Variants in ASIC2 observed in about 807,000 individuals in gnomAD.
ASIC2 encodes acid sensing ion channel subunit 2, also known as acid-sensing ion channel 2.
In ASIC2, 25 loss-of-function variants were observed where a neutral mutation model predicts 57.3. The observed-to-expected ratio is 0.44, with a 90% CI of 0.32 to 0.61. The LOEUF (loss-of-function observed/expected upper bound fraction) is 0.61. ASIC2 is among the 20% of genes least tolerant of loss of function. The probability of loss-of-function intolerance (pLI) is 0.06; values close to 1 mark genes in which losing one functional copy is unlikely to be tolerated. For missense variants in ASIC2, 641 were observed against 738.1 expected, an observed-to-expected ratio of 0.87 and a Z score of 1.52; for synonymous variants, 319 against 307.5, an observed-to-expected ratio of 1.04 and a Z score of -0.39.
chr17:33,884,733 A>G (rs991183142), intron 1 of ASIC2, among the ~76,000 whole-genome samples: 8 of 150,996 alleles, frequency 5.3e-5, no homozygotes, highest in African/African-American at 1.2e-4. Flanking sequence ...CACACCCCCT[A>G]AGCTAGATTC....
intron 3 of ASIC2, among the ~76,000 whole-genome samples, chr17:33,034,044 G>T (rs556269417): frequency 2.0e-5 from 3 of 152,222 alleles, no homozygotes; most frequent in East Asian, 1.9e-4. Context: ...GAGATGGCCT[G>T]CCAGCAGAGA....
At chr17:33,309,284 C>A (rs1055995975) in intron 1 of ASIC2, among the ~76,000 whole-genome samples, 1 of 152,020 alleles carries the variant, frequency 6.6e-6, no homozygotes, top group African/African-American at 2.4e-5. Context: ...TTCATATACC[C>A]CATTAAAATG....
chr17:33,014,592 T>C (rs555611123), intron 9 of ASIC2, among the ~76,000 whole-genome samples: 2 of 152,150 alleles, frequency 1.3e-5, no homozygotes, highest in East Asian at 3.9e-4. Context: ...TGTGGGTCCC[T>C]AAGCGGGGAG....
chr17:33,405,512 C>T (rs1325430326), intron 1 of ASIC2, among the ~76,000 whole-genome samples: 1 of 129,648 alleles, frequency 7.7e-6, no homozygotes, highest in African/African-American at 3.0e-5. Flanking sequence ...GAGATGGAGT[C>T]TTGCTCTGTT....
At chr17:33,747,994 AG>A (rs1448722483) in intron 1 of ASIC2, among the ~76,000 whole-genome samples, 1 of 152,244 alleles carries the variant, frequency 6.6e-6, no homozygotes, top group Non-Finnish European at 1.5e-5. Flanking sequence ...AACAACCTCA[AG>A]TGGAAGGTAC....
chr17:33,142,695 C>A (rs1026232136), intron 1 of ASIC2, among the ~76,000 whole-genome samples: 1 of 152,180 alleles, frequency 6.6e-6, no homozygotes, highest in Non-Finnish European at 1.5e-5. Flanking sequence ...AGTTCCATGA[C>A]CACACCCTCT....
chr17:34,075,442 T>A (rs1242065063), intron 1 of ASIC2, among the ~76,000 whole-genome samples: 2 of 152,208 alleles, frequency 1.3e-5, no homozygotes, highest in African/African-American at 4.8e-5. Flanking sequence ...TTCAAACACT[T>A]TTTAAGTTGC....
intron 1 of ASIC2, among the ~76,000 whole-genome samples, chr17:34,138,592 C>T (rs1912187203): frequency 6.6e-6 from 1 of 152,196 alleles, no homozygotes; most frequent in Non-Finnish European, 1.5e-5. Flanking sequence ...CTGTCACTGC[C>T]CTTCTCCACC....
chr17:34,037,671 C>T (rs1489247203), intron 1 of ASIC2: 17 of 1,613,748 alleles, frequency 1.1e-5, no homozygotes, highest in Non-Finnish European at 1.1e-5. Context: ...GCAATAGCAG[C>T]TCCAGCAGGG....
intron 1 of ASIC2, among the ~76,000 whole-genome samples, chr17:33,985,631 C>T (rs1371261960): frequency 1.3e-5 from 2 of 152,138 alleles, no homozygotes; most frequent in Non-Finnish European, 2.9e-5. Context: ...GTGTAATATG[C>T]TTAAGGCTGT....
intron 1 of ASIC2, among the ~76,000 whole-genome samples, chr17:34,075,985 C>T (rs1393580754): frequency 6.6e-6 from 1 of 151,600 alleles, no homozygotes; most frequent in Non-Finnish European, 1.5e-5. Context: ...TGTGCAACCA[C>T]ACCTGGCTAT....
chr17:33,508,154 T>C (rs1250753943), intron 1 of ASIC2, among the ~76,000 whole-genome samples: 2 of 151,982 alleles, frequency 1.3e-5, no homozygotes, highest in Non-Finnish European at 2.9e-5. Context: ...TTCTTTTACT[T>C]CCGTCCTCTT....
intron 1 of ASIC2, among the ~76,000 whole-genome samples, chr17:33,579,301 A>C (rs1916786662): frequency 7.1e-6 from 1 of 141,178 alleles, no homozygotes; most frequent in Admixed American, 7.0e-5. Flanking sequence ...AAAAAAAAAA[A>C]AAATGCAGGT....
rs901044781 is a variant in ASIC2 at position 33,591,262 on chromosome 17, C to T, written c.556-479195G>A. Among the ~76,000 whole-genome samples, 4 of 152,264 alleles carry T rather than the reference C, an allele frequency of 2.6e-5. No homozygotes were observed. The South Asian group carries it at 6.2e-4, about 24-fold the overall frequency. On this transcript the variant is annotated intron_variant, in intron 1 of 9. Coordinates refer to the ASIC2 transcript ENST00000359872. Reference sequence around the variant, plus strand: ...GTCTGACATGGTATATGATAAGATTCGGAATTGTGTGACACATAAAATTGC... The same window carrying T: ...GTCTGACATGGTATATGATAAGATTTGGAATTGTGTGACACATAAAATTGC...
chr17:33,276,292 T>A (rs540748040), intron 1 of ASIC2, among the ~76,000 whole-genome samples: 3 of 151,974 alleles, frequency 2.0e-5, no homozygotes, highest in Non-Finnish European at 2.9e-5. Context: ...AAAAAACAAA[T>A]GAGGGTATGA....
intron 1 of ASIC2, among the ~76,000 whole-genome samples, chr17:33,839,111 A>C (rs1449949348): frequency 6.6e-6 from 1 of 152,228 alleles, no homozygotes; most frequent in Non-Finnish European, 1.5e-5. Flanking sequence ...AGAAGGAGCC[A>C]TCTGACTAAC....
At chr17:33,714,009 A>G (rs1222062730) in intron 1 of ASIC2, among the ~76,000 whole-genome samples, 1 of 151,810 alleles carries the variant, frequency 6.6e-6, no homozygotes, top group Non-Finnish European at 1.5e-5. Context: ...ACTAAAGTAG[A>G]GCTTCTCAAG....
intron 1 of ASIC2, among the ~76,000 whole-genome samples, chr17:33,299,165 A>C (rs933367758): frequency 6.6e-6 from 1 of 152,248 alleles, no homozygotes; most frequent in Admixed American, 6.5e-5. Flanking sequence ...AGCTGGAGGC[A>C]TCACACAACC....
chr17:33,829,699 C>T (rs937014112), intron 1 of ASIC2, among the ~76,000 whole-genome samples: 1 of 151,728 alleles, frequency 6.6e-6, no homozygotes, highest in Non-Finnish European at 1.5e-5. Context: ...GACTCAGCCT[C>T]CTGAGGGATT....
Sources: allele counts gnomAD v4.1 joint callset (sites outside exome capture counted in the v4.1 genomes callset), GRCh38; gene constraint gnomAD v4.1.1; transcripts MANE v1.5; gene names NCBI Gene and HGNC (gene_info 2026-07-23, HGNC 2026-07-21).